TMEM150C: variants seen among roughly 807,000 people sequenced by gnomAD.
The protein encoded by TMEM150C is transmembrane protein 150C, also known as tentonin 3.
TMEM150C carries 10 observed loss-of-function variants against 29.9 expected under a neutral mutation model. That is an observed-to-expected ratio of 0.33 (90% CI 0.21 to 0.57). The LOEUF is 0.57. Among genes scored for constraint, TMEM150C ranks in the 20% least tolerant of loss-of-function variants. The probability of loss-of-function intolerance (pLI) is 0.88; values close to 1 mark genes in which losing one functional copy is unlikely to be tolerated. For missense variants in TMEM150C, 251 were observed against 303.6 expected, an observed-to-expected ratio of 0.83 and a Z score of 1.29; for synonymous variants, 101 against 112.5, an observed-to-expected ratio of 0.90 and a Z score of 0.64.
At chr4:82,524,973 G>A (rs547206744) in intron 1 of TMEM150C, among the ~76,000 whole-genome samples, 1 of 152,208 alleles carries the variant, frequency 6.6e-6, no homozygotes, top group Non-Finnish European at 1.5e-5. Context: ...TACCGATGAG[G>A]AGGATTACAG....
At chr4:82,491,588 A>C in intron 6 of TMEM150C, 1 of 644,434 alleles carries the variant, frequency 1.6e-6, no homozygotes, top group South Asian at 1.7e-5. Context: ...TCATGACAGC[A>C]GGGGCCGGAG....
chr4:82,524,124 A>C (rs946016252), intron 1 of TMEM150C, among the ~76,000 whole-genome samples: 17 of 150,118 alleles, frequency 1.1e-4, no homozygotes, highest in South Asian at 8.4e-4. Flanking sequence ...AAAGGTTAGC[A>C]GGGCGTGGTG....
In TMEM150C at chr4:82,496,054, GC is replaced by G; in HGVS notation, c.363+13del. 1 of 1,613,884 alleles carries G rather than the reference GC, an allele frequency of 6.2e-7. No individual in the cohort carries two copies. Among genetic ancestry groups the G allele is most frequent in the Non-Finnish European group, 8.5e-7 (1 of 1,179,834 alleles). On this transcript the variant is annotated intron_variant, in intron 6 of 7. Coordinates refer to ENST00000449862, the MANE Select transcript of TMEM150C (RefSeq NM_001080506.3). Reference sequence around the variant, plus strand: ...CCAGTGTCAGAGGGAGGTGAAAAAGGCCAAATCAAGTACCTGAAAATTACCA... The same window carrying G: ...CCAGTGTCAGAGGGAGGTGAAAAAGGCAAATCAAGTACCTGAAAATTACCA...
At chr4:82,560,529 G>C (rs1450430582) in intron 1 of TMEM150C, among the ~76,000 whole-genome samples, 8 of 152,316 alleles carry the variant, frequency 5.3e-5, no homozygotes, top group Admixed American at 3.3e-4. Context: ...GACAGCTATA[G>C]TTAATCCTGG....
intron 1 of TMEM150C, among the ~76,000 whole-genome samples, chr4:82,559,869 C>A (rs78224491): frequency 2.0e-5 from 3 of 152,158 alleles, no homozygotes; most frequent in Non-Finnish European, 2.9e-5. Context: ...GCTGAGATTG[C>A]GGGGTCCAGC....
chr4:82,555,687 G>C (rs1013346787), intron 1 of TMEM150C, among the ~76,000 whole-genome samples: 2 of 152,154 alleles, frequency 1.3e-5, no homozygotes, highest in Non-Finnish European at 2.9e-5. Context: ...TGGGAGGTGA[G>C]GTGGTTGAAC....
intron 1 of TMEM150C, among the ~76,000 whole-genome samples, chr4:82,549,162 G>T (rs1183871229): frequency 1.3e-5 from 2 of 151,774 alleles, no homozygotes. Flanking sequence ...ATGTGTGCAT[G>T]TTTGCATGTA....
intron 5 of TMEM150C, 41 bp downstream of exon 5, chr4:82,502,686 A>G (rs1314547604): frequency 6.4e-7 from 1 of 1,561,620 alleles, no homozygotes; most frequent in African/African-American, 1.4e-5. Flanking sequence ...TACAAAAGAA[A>G]TGTACCAAAG....
chr4:82,510,405 T>C (rs936603410), intron 1 of TMEM150C, among the ~76,000 whole-genome samples: 1 of 152,274 alleles, frequency 6.6e-6, no homozygotes, highest in African/African-American at 2.4e-5. Flanking sequence ...AAGGACTTTG[T>C]CCTCCCTGGG....
intron 1 of TMEM150C, among the ~76,000 whole-genome samples, chr4:82,508,786 C>T (rs1268288065): frequency 1.3e-5 from 2 of 152,050 alleles, no homozygotes; most frequent in Admixed American, 6.6e-5. Flanking sequence ...TTTTATTCTA[C>T]ATAATATTTA....
At position 82,487,836 on chromosome 4, in the gene TMEM150C, G is replaced by A. The variant is rs565859209; in HGVS notation, c.542-2117C>T. 1.1e-3 allele frequency among the ~76,000 whole-genome samples: 169 copies of A among 152,198 alleles called. 2 individuals are homozygous for A. Among genetic ancestry groups the A allele is most frequent in the Middle Eastern group, 0.01 (3 of 294 alleles). On this transcript the variant is annotated intron_variant, in intron 7 of 7. Transcript: ENST00000449862. Reference sequence around the variant, plus strand: ...TATTCTTTCCCCCCCTCATCTTAGGGTCTGCTTCTATTCATATTTTAAAGC... The same window carrying A: ...TATTCTTTCCCCCCCTCATCTTAGGATCTGCTTCTATTCATATTTTAAAGC...
At chr4:82,552,684 T>C (rs560949734) in intron 1 of TMEM150C, among the ~76,000 whole-genome samples, 41 of 152,270 alleles carry the variant, frequency 2.7e-4, no homozygotes, top group African/African-American at 8.2e-4. Context: ...CACCCAGAGA[T>C]TCTGATTTAA....
rs952698079 is a variant in TMEM150C at position 82,491,153 on chromosome 4, A to T, written c.364-915T>A. The T allele has an allele frequency of 5.7e-6, 4 of 701,820 alleles. No individual in the cohort carries two copies. In the African/African-American group the frequency reaches 7.0e-5, roughly 12 times the overall value. The allele number at this position is 701,820 out of a possible 1,614,324, so 43.5% of individuals were successfully genotyped here. A position where few individuals can be genotyped will look rare whatever the true frequency, so the allele number is the denominator to read the frequency against. On this transcript the variant is annotated intron_variant, in intron 6 of 7. Coordinates refer to ENST00000449862, the MANE Select transcript of TMEM150C (RefSeq NM_001080506.3). ...GCTCGATGGGATCCACATCGTGTGCAATCACCACCAGCTGAGCCTTTTTGT... is the reference window on the plus strand; with the variant it reads ...GCTCGATGGGATCCACATCGTGTGCTATCACCACCAGCTGAGCCTTTTTGT...
At chr4:82,489,223 G>A (rs946548174) in intron 7 of TMEM150C, among the ~76,000 whole-genome samples, 1 of 152,032 alleles carries the variant, frequency 6.6e-6, no homozygotes, top group Non-Finnish European at 1.5e-5. Flanking sequence ...TGATTGGTGG[G>A]ATGGGAACTG....
intron 1 of TMEM150C, 93 bp from the exon 2 acceptor site, chr4:82,504,760 G>A (rs1371225951): frequency 9.5e-7 from 1 of 1,049,880 alleles, no homozygotes; most frequent in African/African-American, 1.6e-5. Context: ...GCCAAGCACG[G>A]TGGCTTACAC....
chr4:82,524,357 T>A (rs1440978580), intron 1 of TMEM150C, among the ~76,000 whole-genome samples: 3 of 152,216 alleles, frequency 2.0e-5, no homozygotes, highest in Non-Finnish European at 2.9e-5. Context: ...CTGTTTTTTC[T>A]TTTTCCAAAA....
At chr4:82,501,536 T>A (rs763390762) in intron 5 of TMEM150C, among the ~76,000 whole-genome samples, 2 of 152,198 alleles carry the variant, frequency 1.3e-5, no homozygotes, top group African/African-American at 2.4e-5. Flanking sequence ...GGAAAGGTGG[T>A]TAGCTCCAGG....
At chr4:82,539,811 A>C (rs1257331253) in intron 1 of TMEM150C, among the ~76,000 whole-genome samples, 1 of 152,170 alleles carries the variant, frequency 6.6e-6, no homozygotes, top group Non-Finnish European at 1.5e-5. Flanking sequence ...AAAACCCATA[A>C]AATATTGAGG....
chr4:82,486,403 G>C (rs75178812), intron 7 of TMEM150C, among the ~76,000 whole-genome samples: 4 of 140,972 alleles, frequency 2.8e-5, no homozygotes, highest in African/African-American at 1.1e-4. Flanking sequence ...CATAGTTATC[G>C]TTATATCTGC....
Sources: allele counts gnomAD v4.1 joint callset (sites outside exome capture counted in the v4.1 genomes callset), GRCh38; gene constraint gnomAD v4.1.1; transcripts MANE v1.5; gene names NCBI Gene and HGNC (gene_info 2026-07-23, HGNC 2026-07-21).